Variants in OTULINL observed in about 807,000 individuals in gnomAD.
The protein encoded by OTULINL is OTU deubiquitinase with linear linkage specificity like.
Under a neutral mutation model 43.9 loss-of-function variants are expected in OTULINL, and 42 were observed. The observed-to-expected ratio is 0.96, with a 90% CI of 0.75 to 1.24. OTULINL has a LOEUF of 1.24. Among genes scored for constraint, OTULINL ranks in the 50% most tolerant of loss-of-function variants. The probability of loss-of-function intolerance (pLI) is 0.00; values close to 1 mark genes in which losing one functional copy is unlikely to be tolerated. For missense variants in OTULINL, 411 were observed against 426.4 expected (o/e 0.96, Z 0.32); for synonymous variants, 172 against 153.6 (o/e 1.12, Z -0.88).
chr5:14,604,019 G>A (rs1435440779), intron 5 of OTULINL, among the ~76,000 whole-genome samples: 2 of 152,078 alleles, frequency 1.3e-5, no homozygotes, highest in African/African-American at 4.8e-5. Flanking sequence ...GTTGCTAATT[G>A]CTGAGGACAA....
rs1759633664 is a variant in OTULINL, at chr5:14,614,347, A to G, written c.*4033A>G. Among the ~76,000 whole-genome samples the G allele has an allele frequency of 6.6e-6, 1 of 152,164 alleles. No individual in the cohort carries two copies. The highest frequency in any genetic ancestry group is 2.4e-5 in the African/African-American group (1 of 41,436). On this transcript the variant is annotated 3_prime_UTR_variant, in exon 8 of 8. Transcript: ENST00000274217. ...AGCCATTCACTTTTTTAAAGTTTTA[A>G]TTATTTAATTGACAAATTAGCTATT... is the stretch of plus-strand genomic sequence containing the variant.
intron 1 of OTULINL, among the ~76,000 whole-genome samples, 180 bp downstream of exon 1, chr5:14,582,138 G>C (rs1376482254): frequency 6.6e-6 from 1 of 152,070 alleles, no homozygotes; most frequent in Non-Finnish European, 1.5e-5. Flanking sequence ...GGAGTGGGGC[G>C]GGGCTGCACC....
rs73046737 is a variant in OTULINL at position 14,616,125 on chromosome 5, T to C, written c.*5811T>C. On this transcript the variant is annotated 3_prime_UTR_variant, in exon 8 of 8. Transcript: ENST00000274217. ...AAAGTTTCTAAACACTTTCAGTTTC[T>C]GTACTTAATCTTGCAGTGTGGTAAT... 0.085 allele frequency among the ~76,000 whole-genome samples: 12,882 copies of C among 152,322 alleles called. 557 individuals carry two copies. Among genetic ancestry groups the C allele is most frequent in the Non-Finnish European group, 0.1 (7,098 of 68,018 alleles).
At chr5:14,590,295 C>G (rs1012668675) in intron 1 of OTULINL, among the ~76,000 whole-genome samples, 1 of 152,134 alleles carries the variant, frequency 6.6e-6, no homozygotes, top group Non-Finnish European at 1.5e-5. Flanking sequence ...AAAAAAGATA[C>G]CTGGGCCCCA....
intron 1 of OTULINL, among the ~76,000 whole-genome samples, chr5:14,599,433 A>G (rs1759346128): frequency 1.3e-5 from 2 of 152,084 alleles, no homozygotes; most frequent in Admixed American, 1.3e-4. Flanking sequence ...GGTTATGGTG[A>G]GCCAAGATCA....
chr5:14,604,698 G>T (rs934283308), intron 5 of OTULINL, among the ~76,000 whole-genome samples: 2 of 152,170 alleles, frequency 1.3e-5, no homozygotes, highest in African/African-American at 4.8e-5. Context: ...CCTAAACAAA[G>T]GGACTACAGG....
At position 14,608,750 on chromosome 5, in the gene OTULINL, G is replaced by C. The variant is rs747905234; in HGVS notation, c.630G>C (p.Trp210Cys). Reference sequence around the variant, plus strand: ...TTCACTTTTACATCTGTTTTTAGTGGACTGAATTTAATGGCATTAGAGATT... The same window carrying C: ...TTCACTTTTACATCTGTTTTTAGTGCACTGAATTTAATGGCATTAGAGATT... ...RKYVELLKTQ[W>C]TEFNGIRDYH... Residue 210 changes from tryptophan to cysteine, a missense_variant and splice_region_variant, in exon 7 of 8, where the codon TGG becomes TGC. Physicochemically the swap from Trp to Cys is radical, Grantham distance 215 (BLOSUM62 -2). Transcript: ENST00000274217. The C allele has an allele frequency of 1.3e-6, 2 of 1,597,206 alleles. No individual in the cohort carries two copies. The highest frequency in any genetic ancestry group is 2.2e-5 in the South Asian group (2 of 89,514).
chr5:14,601,542 G>A, intron 4 of OTULINL, 100 bp downstream of exon 4: 2 of 1,048,708 alleles, frequency 1.9e-6, no homozygotes, highest in Non-Finnish European at 2.8e-6. Flanking sequence ...ATATCCATCA[G>A]TACCAAAATG....
At chr5:14,605,065 A>T (rs1052228326) in intron 5 of OTULINL, among the ~76,000 whole-genome samples, 2 of 152,202 alleles carry the variant, frequency 1.3e-5, no homozygotes, top group African/African-American at 4.8e-5. Flanking sequence ...CTGCCCTAGC[A>T]GAGGTTCTCC....
At chr5:14,582,396 G>A (rs1044738791) in intron 1 of OTULINL, among the ~76,000 whole-genome samples, 3 of 152,080 alleles carry the variant, frequency 2.0e-5, no homozygotes, top group African/African-American at 7.2e-5. Flanking sequence ...TCGACTCGCT[G>A]ACGGAGGGAG....
intron 7 of OTULINL, among the ~76,000 whole-genome samples, chr5:14,609,621 A>ATTTTTTTTTTTT (rs201855537): frequency 9.8e-6 from 1 of 102,216 alleles, no homozygotes; most frequent in African/African-American, 3.6e-5. Context: ...TTTTCCTGTG[A>ATTTTTTTTTTTT]TTTTTTTTTT....
intron 1 of OTULINL, among the ~76,000 whole-genome samples, chr5:14,584,134 C>G (rs1269147554): frequency 6.6e-6 from 1 of 152,206 alleles, no homozygotes; most frequent in Non-Finnish European, 1.5e-5. Context: ...CAGTCGCCAG[C>G]ACACCTTAGG....
chr5:14,583,231 T>C (rs1052957510), intron 1 of OTULINL, among the ~76,000 whole-genome samples: 2 of 152,194 alleles, frequency 1.3e-5, no homozygotes, highest in African/African-American at 4.8e-5. Flanking sequence ...TCCTCATCCA[T>C]AAAATGAGAG....
rs545734529 is a variant in OTULINL at position 14,609,861 on chromosome 5, G to T, written c.898-280G>T. Among the ~76,000 whole-genome samples the T allele has an allele frequency of 1.9e-3, 293 of 152,158 alleles. 3 individuals carry two copies. Among genetic ancestry groups the T allele is most frequent in the African/African-American group, 6.5e-3 (268 of 41,516 alleles). On this transcript the variant is annotated intron_variant, in intron 7 of 7. Transcript: ENST00000274217. ...TTTCGATCTCCTGACCTCGTGATCC[G>T]CCCGCCTCGGCCTCCCAAAGTGCTG...
At chr5:14,582,000 A>C (rs1298119765) in intron 1 of OTULINL, 42 bp downstream of exon 1, 8 of 1,216,540 alleles carry the variant, frequency 6.6e-6, no homozygotes, top group Non-Finnish European at 8.2e-6. Flanking sequence ...GGGCGCGAGC[A>C]GGGACCGTCA....
chr5:14,581,938 G>C lies in OTULINL; in HGVS notation c.44G>C (p.Arg15Pro). 5.8e-6 allele frequency: 8 copies of C among 1,375,036 alleles called. No individual in the cohort carries two copies. Among genetic ancestry groups the C allele is most frequent in the Non-Finnish European group, 7.5e-6 (8 of 1,065,242 alleles). 85.2% of individuals were successfully genotyped at this position (1,375,036 alleles called of 1,614,324 possible). ...RSPTRARERE[R>P]SGAPAAGSDQ... ...CCCACGCGGGCAAGGGAGCGGGAGC[G>C]GTCTGGCGCTCCCGCCGCAGGTGAG... The change falls in exon 1 of 8, where the codon CGG becomes CCG. Residue 15 changes from arginine (R) to proline (P), a missense_variant. By Grantham distance (103) the Arg-to-Pro change is moderately radical. Transcript: ENST00000274217.
rs539076608 is a variant in OTULINL, at chr5:14,613,986, A to T, written c.*3672A>T. Among the ~76,000 whole-genome samples, 1 of 152,370 alleles carries T rather than the reference A, an allele frequency of 6.6e-6. No homozygotes were observed. Among genetic ancestry groups the T allele is most frequent in the African/African-American group, 2.4e-5 (1 of 41,582 alleles). ...GCTGACTTTTTTGAATGCTCTGGAA[A>T]TGTTGGAATTCCACATCAAAGTACG... On this transcript the variant is annotated 3_prime_UTR_variant, in exon 8 of 8. Transcript: ENST00000274217.
chr5:14,589,107 A>G (rs771736365), intron 1 of OTULINL, among the ~76,000 whole-genome samples: 1 of 152,198 alleles, frequency 6.6e-6, no homozygotes, highest in Admixed American at 6.5e-5. Context: ...GCACTCAGAA[A>G]GCAGAGTGAA....
chr5:14,603,169 A>G (rs887506845), intron 5 of OTULINL, among the ~76,000 whole-genome samples: 2 of 152,082 alleles, frequency 1.3e-5, no homozygotes, highest in Non-Finnish European at 2.9e-5. Context: ...ATCCTTTTTT[A>G]TTGTTGAGTG....
Sources: gnomAD v4.1 joint callset for allele counts (sites outside exome capture counted in the v4.1 genomes callset) on GRCh38, gnomAD v4.1.1 for gene constraint, MANE v1.5 for transcripts, NCBI Gene and HGNC (gene_info 2026-07-23, HGNC 2026-07-21) for gene names.